KMT5B: variants seen among roughly 807,000 people sequenced by gnomAD.
KMT5B encodes histone-lysine N-methyltransferase KMT5B.
Under a neutral mutation model 83.2 loss-of-function variants are expected in KMT5B, and 10 were observed. The ratio of observed to expected loss-of-function variants is 0.12; its 90% CI spans 0.07 to 0.20. The LOEUF is 0.20. Ranked by LOEUF, KMT5B falls within the 10% of genes least tolerant of loss-of-function variation. The probability of loss-of-function intolerance (pLI) is 1.00; values close to 1 mark genes in which losing one functional copy is unlikely to be tolerated. For synonymous variants in KMT5B, 349 were observed against 388.8 expected (o/e 0.90, Z 1.20); for missense variants, 753 against 1,067.2 (o/e 0.71, Z 4.10).
At chr11:68,208,647 T>C (rs1383751063) in intron 1 of KMT5B, among the ~76,000 whole-genome samples, 2 of 152,122 alleles carry the variant, frequency 1.3e-5, no homozygotes, top group African/African-American at 4.8e-5. Context: ...AATGTAAGAA[T>C]GGACTTGAGA....
rs559190686 is a variant in KMT5B, at chr11:68,188,658, C to T, written c.160+1259G>A. Among the ~76,000 whole-genome samples, 113 of 152,258 alleles carry T rather than the reference C, an allele frequency of 7.4e-4. No homozygotes were observed. In the South Asian group the frequency reaches 0.015, roughly 21 times the overall value. Reference sequence around the variant, plus strand: ...ACAGGTGTGAGCTACCACGCCCAGACGCATTTTCTAAATTCTTGTGTATCT... The same window carrying T: ...ACAGGTGTGAGCTACCACGCCCAGATGCATTTTCTAAATTCTTGTGTATCT... On this transcript the variant is annotated intron_variant, in intron 2 of 10. Coordinates refer to ENST00000304363, the MANE Select transcript of KMT5B (RefSeq NM_017635.5).
chr11:68,207,405 C>A (rs1860266470), intron 1 of KMT5B, among the ~76,000 whole-genome samples: 1 of 151,998 alleles, frequency 6.6e-6, no homozygotes, highest in African/African-American at 2.4e-5. Context: ...TACTATCATC[C>A]CCATTTTACA....
rs1860751700 is a variant in KMT5B, at chr11:68,210,397, TA to T, written c.-77+2740del. Among the ~76,000 whole-genome samples the T allele has an allele frequency of 2.0e-5, 3 of 152,164 alleles. 1 individual carries two copies. In the South Asian group the frequency reaches 6.2e-4, roughly 31 times the overall value. On this transcript the variant is annotated intron_variant, in intron 1 of 10. Transcript: ENST00000304363. ...GAGAGATGTCAAAATATGATTAAAA[TA>T]ATTATTAGGAGAAAATAGGATGGCA... is the stretch of plus-strand genomic sequence containing the variant.
chr11:68,208,542 T>A (rs766336631), intron 1 of KMT5B, among the ~76,000 whole-genome samples: 5 of 151,882 alleles, frequency 3.3e-5, no homozygotes, highest in Non-Finnish European at 5.9e-5. Context: ...TGCATAGAGG[T>A]CAGAGCATAC....
Position 68,171,389 on chromosome 11 carries a change from GA to G in KMT5B, c.821-139del. The G allele has an allele frequency of 8.2e-7, 1 of 1,225,604 alleles. No individual in the cohort carries two copies. Among genetic ancestry groups the G allele is most frequent in the Non-Finnish European group, 1.2e-6 (1 of 868,612 alleles). The allele number at this position is 1,225,604 out of a possible 1,614,324, so 75.9% of individuals were successfully genotyped here. A position where few individuals can be genotyped will look rare whatever the true frequency, so the allele number is the denominator to read the frequency against. On this transcript the variant is annotated intron_variant, in intron 7 of 10. Transcript: ENST00000304363. This position sits in a 1 kb window ranked among gnomAD's most constrained non-coding sequence, Gnocchi z 5.1. Reference sequence around the variant, plus strand: ...GTTTAGGTCTCAAGTTCAACTAAAGGAATATACATTTATTTTAATAAGTTTG... The same window carrying G: ...GTTTAGGTCTCAAGTTCAACTAAAGGATATACATTTATTTTAATAAGTTTG...
intron 1 of KMT5B, among the ~76,000 whole-genome samples, chr11:68,202,540 G>A (rs1456542756): frequency 7.3e-6 from 1 of 137,268 alleles, no homozygotes; most frequent in African/African-American, 2.7e-5. Flanking sequence ...TACTAGCTAA[G>A]ACACACTTTT....
rs543740786 is a variant in KMT5B at position 68,205,293 on chromosome 11, G to A, written c.-77+7845C>T. ...TGATCATGCCACTGCACTCCAGCCT[G>A]GGTGACAGAGTGAGACCTCACCTTT... On this transcript the variant is annotated intron_variant, in intron 1 of 10. Coordinates refer to ENST00000304363, the MANE Select transcript of KMT5B (RefSeq NM_017635.5). 4.9e-4 allele frequency among the ~76,000 whole-genome samples: 75 copies of A among 151,932 alleles called. 1 individual carries two copies. The South Asian group carries it at 1.0e-2, about 20-fold the overall frequency.
chr11:68,190,126 C>T lies in KMT5B; in HGVS notation c.-50G>A. 1 of 1,548,976 alleles carries T rather than the reference C, an allele frequency of 6.5e-7. No individual in the cohort carries two copies. The highest frequency in any genetic ancestry group is 2.3e-5 in the East Asian group (1 of 44,198). The stretch of plus-strand genomic sequence containing the variant: ...GCATTTAGTCACTCTCTTCAAATAG[C>T]TTAGAGAATACTTTCAATGTTCTCT... On this transcript the variant is annotated 5_prime_UTR_variant, in exon 2 of 11. Coordinates refer to ENST00000304363, the MANE Select transcript of KMT5B (RefSeq NM_017635.5).
intron 10 of KMT5B, chr11:68,166,361 C>CA (rs1855322125): frequency 1.9e-6 from 2 of 1,028,218 alleles, no homozygotes; most frequent in Non-Finnish European, 1.2e-6. Context: ...ACTGGAATCT[C>CA]AGAGGTTGCT....
At chr11:68,182,805 C>T (rs971514754) in intron 3 of KMT5B, among the ~76,000 whole-genome samples, 3 of 150,624 alleles carry the variant, frequency 2.0e-5, no homozygotes, top group Non-Finnish European at 2.9e-5. Flanking sequence ...GGCGCAATCT[C>T]GGCTCACCAC....
rs115683060 is a variant in KMT5B at position 68,192,463 on chromosome 11, G to A, written c.-76-2311C>T. On this transcript the variant is annotated intron_variant, in intron 1 of 10. Transcript: ENST00000304363. ...TTAGAACAGTACTGACAAACAGCAG[G>A]TGCTCAACAAATATTTCTCTCAGTA... Among the ~76,000 whole-genome samples the A allele has an allele frequency of 8.9e-3, 1,362 of 152,242 alleles. 16 individuals carry two copies. The highest frequency in any genetic ancestry group is 0.031 in the African/African-American group (1,289 of 41,528).
At chr11:68,192,076 C>T (rs1480710020) in intron 1 of KMT5B, among the ~76,000 whole-genome samples, 2 of 152,152 alleles carry the variant, frequency 1.3e-5, no homozygotes, top group Non-Finnish European at 2.9e-5. Flanking sequence ...GGAGCAATGG[C>T]CCAGGTGTGT....
intron 3 of KMT5B, among the ~76,000 whole-genome samples, chr11:68,183,668 T>C (rs916088613): frequency 3.4e-5 from 5 of 145,434 alleles, no homozygotes; most frequent in Non-Finnish European, 6.0e-5. Context: ...CCTGTATCTT[T>C]TTTTTTTTTT....
chr11:68,163,136 T>C (rs1035651275), intron 10 of KMT5B, among the ~76,000 whole-genome samples: 2 of 152,252 alleles, frequency 1.3e-5, no homozygotes, highest in Non-Finnish European at 2.9e-5. Context: ...CTCGTATGAC[T>C]CTTCCCCTAG....
chr11:68,186,011 T>C (rs1423429677), intron 2 of KMT5B, 83 bp from the exon 3 acceptor site: 1 of 1,221,410 alleles, frequency 8.2e-7, no homozygotes, highest in Admixed American at 2.3e-5. Context: ...CATTGCCCAT[T>C]CAAGCTGGTA....
chr11:68,184,131 G>A (rs1411166952), intron 3 of KMT5B, among the ~76,000 whole-genome samples: 1 of 152,122 alleles, frequency 6.6e-6, no homozygotes, highest in Non-Finnish European at 1.5e-5. Context: ...AGCACTTTGG[G>A]AGGCTGAGGC....
chr11:68,156,293 ATT>A lies in KMT5B; in HGVS notation c.*1393_*1394del, dbSNP rs1859291259. The stretch of plus-strand genomic sequence containing the variant: ...ACCTGTTACAGATTTATATTCCCAA[ATT>A]CTCTGTCCAATGATTTGCAAAATAA... On this transcript the variant is annotated 3_prime_UTR_variant, in exon 11 of 11. Transcript: ENST00000304363. The A allele has an allele frequency of 6.6e-6, 1 of 152,610 alleles. No homozygotes were observed. Among genetic ancestry groups the A allele is most frequent in the Non-Finnish European group, 1.5e-5 (1 of 68,044 alleles). 9.5% of individuals were successfully genotyped at this position (152,610 alleles called of 1,614,324 possible).
chr11:68,200,783 T>C (rs1859344177), intron 1 of KMT5B, among the ~76,000 whole-genome samples: 1 of 152,268 alleles, frequency 6.6e-6, no homozygotes, highest in Non-Finnish European at 1.5e-5. Flanking sequence ...TGAGGACTAC[T>C]GTGCAAGGCT....
At chr11:68,187,105 T>A (rs528237048) in intron 2 of KMT5B, among the ~76,000 whole-genome samples, 1 of 152,174 alleles carries the variant, frequency 6.6e-6, no homozygotes, top group African/African-American at 2.4e-5. Flanking sequence ...CAAGGAATCA[T>A]CCTGCCTCAG....
Sources: allele counts gnomAD v4.1 joint callset (sites outside exome capture counted in the v4.1 genomes callset), GRCh38; gene constraint gnomAD v4.1.1; non-coding constraint Gnocchi (gnomAD v3.1); transcripts MANE v1.5; gene names NCBI Gene and HGNC (gene_info 2026-07-23, HGNC 2026-07-21).